DPP10: variants seen among roughly 807,000 people sequenced by gnomAD.
DPP10 encodes dipeptidyl peptidase like 10.
In DPP10, 33 loss-of-function variants were observed where a neutral mutation model predicts 120.9. The ratio of observed to expected loss-of-function variants is 0.27; its 90% CI spans 0.21 to 0.37. The LOEUF is 0.37. Among genes scored for constraint, DPP10 ranks in the 10% least tolerant of loss-of-function variants. The pLI, the probability that DPP10 is intolerant of heterozygous loss-of-function variation, is 1.00. For missense variants in DPP10, 816 were observed against 942.8 expected, an observed-to-expected ratio of 0.87 and a Z score of 1.76; for synonymous variants, 337 against 326.1, an observed-to-expected ratio of 1.03 and a Z score of -0.36.
intron 1 of DPP10, among the ~76,000 whole-genome samples, chr2:115,052,523 T>A (rs1222835295): frequency 2.0e-5 from 3 of 152,176 alleles, no homozygotes. Flanking sequence ...GTGATCTGGA[T>A]AAGCGTTTCT....
intron 1 of DPP10, among the ~76,000 whole-genome samples, chr2:114,821,674 G>A (rs1478608712): frequency 6.6e-6 from 1 of 152,120 alleles, no homozygotes; most frequent in Non-Finnish European, 1.5e-5. Context: ...AGATACAATG[G>A]GGTACAGGCA....
intron 1 of DPP10, among the ~76,000 whole-genome samples, chr2:114,873,339 C>T (rs1690854761): frequency 6.6e-6 from 1 of 152,106 alleles, no homozygotes; most frequent in South Asian, 2.1e-4. Context: ...GATGAATGAG[C>T]CACTGTAGTA....
chr2:115,731,472 G>A (rs1008138170), intron 8 of DPP10, among the ~76,000 whole-genome samples: 1 of 152,076 alleles, frequency 6.6e-6, no homozygotes, highest in African/African-American at 2.4e-5. Flanking sequence ...GCTGCAGTGA[G>A]CCAAGATCAT....
intron 1 of DPP10, among the ~76,000 whole-genome samples, chr2:115,085,968 C>A (rs1044563863): frequency 6.6e-6 from 1 of 152,086 alleles, no homozygotes; most frequent in Admixed American, 6.5e-5. Flanking sequence ...CCCTATATAT[C>A]GTGACTTACT....
chr2:114,880,832 T>C (rs1298103822), intron 1 of DPP10, among the ~76,000 whole-genome samples: 1 of 152,094 alleles, frequency 6.6e-6, no homozygotes, highest in African/African-American at 2.4e-5. Flanking sequence ...CAAAACCCAG[T>C]GCGATGCGGA....
At chr2:115,104,057 T>G (rs796830559) in intron 1 of DPP10, among the ~76,000 whole-genome samples, 8 of 152,300 alleles carry the variant, frequency 5.3e-5, no homozygotes, top group African/African-American at 1.9e-4. Flanking sequence ...TTAAAATAAT[T>G]TTGTATGTGA....
chr2:114,652,247 T>G (rs1324736521), intron 1 of DPP10, among the ~76,000 whole-genome samples: 1 of 152,170 alleles, frequency 6.6e-6, no homozygotes, highest in Non-Finnish European at 1.5e-5. Context: ...AGCATCCAGT[T>G]TTGATAAGTC....
At chr2:114,494,788 A>G (rs1352958307) in intron 1 of DPP10, among the ~76,000 whole-genome samples, 1 of 152,182 alleles carries the variant, frequency 6.6e-6, no homozygotes, top group Non-Finnish European at 1.5e-5. Flanking sequence ...GGCAAAAGAT[A>G]ATGAATATTT....
At chr2:115,727,402 A>G (rs1161727163) in intron 7 of DPP10, among the ~76,000 whole-genome samples, 1 of 152,124 alleles carries the variant, frequency 6.6e-6, no homozygotes, top group Non-Finnish European at 1.5e-5. Flanking sequence ...CATTTTTGTA[A>G]AAGTAAAGAC....
rs565130345 is a variant in DPP10 at position 115,635,327 on chromosome 2, G to A, written c.442-54360G>A. 5.9e-5 allele frequency among the ~76,000 whole-genome samples: 9 copies of A among 152,278 alleles called. No homozygotes were observed. The South Asian group carries it at 8.3e-4, about 14-fold the overall frequency. On this transcript the variant is annotated intron_variant, in intron 5 of 25. Coordinates refer to ENST00000410059, the MANE Select transcript of DPP10 (RefSeq NM_020868.6). Reference sequence around the variant, plus strand: ...GGTTCAGACCCAAGGCTCTGGTGGCGTGGGCTGACAAGGGGGATCTCCTGA... The same window carrying A: ...GGTTCAGACCCAAGGCTCTGGTGGCATGGGCTGACAAGGGGGATCTCCTGA...
At chr2:114,570,836 T>TAAAAAAAAAA (rs58796386) in intron 1 of DPP10, among the ~76,000 whole-genome samples, 2 of 57,828 alleles carry the variant, frequency 3.5e-5, no homozygotes, top group African/African-American at 5.0e-5. Flanking sequence ...CTGTCTCAAA[T>TAAAAAAAAAA]AAAAAAAAAA....
Position 115,816,747 on chromosome 2 carries a change from G to T in DPP10, c.1950+1018G>T, listed in dbSNP as rs566572134. ...TTCTCCTGCATCAGCCTCCTGAGTA[G>T]CTGGGGACTACAAGCACGTGTCACC... is the stretch of plus-strand genomic sequence containing the variant. On this transcript the variant is annotated intron_variant, in intron 21 of 25. Transcript: ENST00000410059. Among the ~76,000 whole-genome samples the T allele has an allele frequency of 2.0e-5, 3 of 150,336 alleles. No individual in the cohort carries two copies. The South Asian group carries it at 6.3e-4, about 32-fold the overall frequency.
At chr2:114,850,429 G>A (rs1186958641) in intron 1 of DPP10, among the ~76,000 whole-genome samples, 1 of 151,940 alleles carries the variant, frequency 6.6e-6, no homozygotes, top group Non-Finnish European at 1.5e-5. Context: ...CCTTGTATGT[G>A]AATTATAAAT....
intron 5 of DPP10, among the ~76,000 whole-genome samples, chr2:115,625,183 T>C (rs1389114754): frequency 6.6e-6 from 1 of 152,170 alleles, no homozygotes; most frequent in East Asian, 1.9e-4. Flanking sequence ...ATAGGTGATG[T>C]GGTAAACCTA....
intron 2 of DPP10, among the ~76,000 whole-genome samples, chr2:115,313,813 A>G (rs553997846): frequency 5.5e-4 from 84 of 152,334 alleles, no homozygotes; most frequent in African/African-American, 2.0e-3. Context: ...AGTATTTCTG[A>G]AAGGAACAAA....
At chr2:115,071,068 T>G (rs2105453534) in intron 1 of DPP10, among the ~76,000 whole-genome samples, 1 of 152,298 alleles carries the variant, frequency 6.6e-6, no homozygotes, top group African/African-American at 2.4e-5. Context: ...TAAATAGAAA[T>G]TAATGAATCA....
At chr2:115,330,250 C>G (rs1375757193) in intron 2 of DPP10, among the ~76,000 whole-genome samples, 1 of 152,092 alleles carries the variant, frequency 6.6e-6, no homozygotes, top group East Asian at 1.9e-4. Flanking sequence ...TGAGAAGTGT[C>G]TGTTCATATC....
chr2:114,897,548 G>A (rs978872064), intron 1 of DPP10, among the ~76,000 whole-genome samples: 3 of 152,056 alleles, frequency 2.0e-5, no homozygotes, highest in Admixed American at 2.0e-4. Flanking sequence ...ACTACCATCA[G>A]AGTGAACAGG....
intron 5 of DPP10, among the ~76,000 whole-genome samples, chr2:115,680,763 A>G (rs1266723416): frequency 6.6e-6 from 1 of 151,972 alleles, no homozygotes; most frequent in African/African-American, 2.4e-5. Flanking sequence ...CAAAATGAAA[A>G]CACAGATGCT....
Sources: allele counts gnomAD v4.1 joint callset (sites outside exome capture counted in the v4.1 genomes callset), GRCh38; gene constraint gnomAD v4.1.1; transcripts MANE v1.5; gene names NCBI Gene and HGNC (gene_info 2026-07-23, HGNC 2026-07-21).